Variants in DACH2 observed in about 807,000 individuals in gnomAD.
DACH2 encodes dachshund family transcription factor 2.
DACH2 carries 17 observed loss-of-function variants against 35.8 expected under a neutral mutation model. The ratio of observed to expected loss-of-function variants is 0.48; its 90% CI spans 0.33 to 0.71. The LOEUF is 0.71. Ranked by LOEUF, DACH2 falls within the 30% of genes least tolerant of loss-of-function variation. DACH2 has a pLI of 0.02. For synonymous variants in DACH2, 195 were observed against 177.3 expected (o/e 1.10, Z -0.79); for missense variants, 469 against 472.7 (o/e 0.99, Z 0.07).
intron 2 of DACH2, among the ~76,000 whole-genome samples, chrX:86,498,756 C>T (rs1401958653): frequency 8.9e-6 from 1 of 111,935 alleles, no homozygotes; most frequent in Non-Finnish European, 1.9e-5. Flanking sequence ...ATGACCTAAA[C>T]CATTTTACTC....
At chrX:86,710,176 T>C (rs749764535) in intron 5 of DACH2, among the ~76,000 whole-genome samples, 145 of 112,515 alleles carry the variant, frequency 1.3e-3, no homozygotes, top group African/African-American at 4.6e-3. Flanking sequence ...TGGAAACATA[T>C]TTAGCAATAA....
At chrX:86,731,594 A>G (rs776374051) in intron 6 of DACH2, among the ~76,000 whole-genome samples, 4 of 112,311 alleles carry the variant, frequency 3.6e-5, no homozygotes, top group African/African-American at 1.3e-4. Context: ...AATTTATACC[A>G]CTTTAACAGA....
At chrX:86,603,682 T>C (rs757936298) in intron 3 of DACH2, among the ~76,000 whole-genome samples, 2 of 111,611 alleles carry the variant, frequency 1.8e-5, no homozygotes, top group African/African-American at 3.2e-5. Flanking sequence ...TTCATTTTCA[T>C]TGAATTCTCT....
intron 1 of DACH2, among the ~76,000 whole-genome samples, chrX:86,296,380 C>CAAAAA (rs61713614): frequency 9.2e-4 from 63 of 68,431 alleles, no homozygotes; most frequent in Middle Eastern, 0.018. Flanking sequence ...GACTCCATCT[C>CAAAAA]AAAAAAAAAA....
chrX:86,592,623 T>A (rs998100577), intron 3 of DACH2, among the ~76,000 whole-genome samples: 4 of 112,392 alleles, frequency 3.6e-5, no homozygotes, highest in Admixed American at 9.5e-5. Context: ...AGAACTGATA[T>A]CTTAATTATA....
chrX:86,698,001 C>T (rs1047048570), intron 5 of DACH2, among the ~76,000 whole-genome samples: 2 of 111,315 alleles, frequency 1.8e-5, no homozygotes, highest in Non-Finnish European at 3.8e-5. Context: ...AGGATAAATA[C>T]CAAAATCTAC....
Position 86,669,996 on chromosome X carries a change from G to C in DACH2, c.772+18829G>C, listed in dbSNP as rs184801270. ...GACAGCTATTACAATCAATTTATTT[G>C]TTCTTTGTACATGCAATCTGTTAGT... On this transcript the variant is annotated intron_variant, in intron 4 of 11. Transcript: ENST00000373125. Among the ~76,000 whole-genome samples the C allele has an allele frequency of 2.8e-3, 312 of 110,044 alleles. 2 individuals carry two copies. Among genetic ancestry groups the C allele is most frequent in the African/African-American group, 9.8e-3 (298 of 30,324 alleles).
chrX:86,251,336 C>T (rs2033395693), intron 1 of DACH2, among the ~76,000 whole-genome samples: 1 of 110,679 alleles, frequency 9.0e-6, no homozygotes, highest in Admixed American at 9.6e-5. Flanking sequence ...CATTGACAAT[C>T]GTTTTAAATT....
chrX:86,330,211 G>T (rs1009577938), intron 1 of DACH2, among the ~76,000 whole-genome samples: 11 of 111,402 alleles, frequency 9.9e-5, no homozygotes, highest in Non-Finnish European at 1.9e-4. Context: ...ACCTATTTTA[G>T]ATCATCAAAA....
At chrX:86,795,793 G>C (rs2042230734) in intron 7 of DACH2, among the ~76,000 whole-genome samples, 1 of 109,819 alleles carries the variant, frequency 9.1e-6, no homozygotes, top group South Asian at 4.3e-4. Flanking sequence ...ACTGACTTCA[G>C]GAGTGAAGCT....
intron 1 of DACH2, among the ~76,000 whole-genome samples, chrX:86,229,375 T>G (rs374126491): frequency 1.8e-5 from 2 of 112,342 alleles, no homozygotes; most frequent in Non-Finnish European, 3.8e-5. Flanking sequence ...TATGGCCTTA[T>G]AGTATAGTTT....
chrX:86,385,488 A>T (rs1166143893), intron 2 of DACH2, among the ~76,000 whole-genome samples: 1 of 111,783 alleles, frequency 8.9e-6, no homozygotes, highest in African/African-American at 3.2e-5. Flanking sequence ...AAGATTCAGT[A>T]TACAACAATT....
chrX:86,600,805 G>A (rs372001661), intron 3 of DACH2, among the ~76,000 whole-genome samples: 3 of 111,094 alleles, frequency 2.7e-5, no homozygotes, highest in African/African-American at 6.6e-5. Context: ...TCTTTTGGCC[G>A]GATGCTTGAG....
At chrX:86,312,454 C>A (rs929875023) in intron 1 of DACH2, among the ~76,000 whole-genome samples, 1 of 110,879 alleles carries the variant, frequency 9.0e-6, no homozygotes, top group African/African-American at 3.3e-5. Flanking sequence ...CAAGGGTGGA[C>A]TTATGATGGT....
chrX:86,786,421 G>T (rs909274361), intron 7 of DACH2, among the ~76,000 whole-genome samples: 5 of 111,633 alleles, frequency 4.5e-5, no homozygotes, highest in Admixed American at 2.9e-4. Context: ...CAAGCCACGA[G>T]CCATATGCCT....
chrX:86,171,928 T>C (rs1488221870), intron 1 of DACH2, among the ~76,000 whole-genome samples: 5 of 111,802 alleles, frequency 4.5e-5, no homozygotes, highest in Non-Finnish European at 9.4e-5. Context: ...GAGGTTTTTT[T>C]AAAAGGATTA....
intron 1 of DACH2, among the ~76,000 whole-genome samples, chrX:86,206,288 A>G (rs2032310369): frequency 9.0e-6 from 1 of 110,991 alleles, no homozygotes; most frequent in Non-Finnish European, 1.9e-5. Flanking sequence ...GGGGAAAAAA[A>G]AAAAGAAACT....
chrX:86,560,230 G>C lies in DACH2; in HGVS notation c.640+45839G>C, dbSNP rs1365010496. ...AGTTTGGCTGGATATGAAATTCTGG[G>C]TTGAAAATTCTTTTCTTTAAGAATG... On this transcript the variant is annotated intron_variant, in intron 3 of 11. Transcript: ENST00000373125. 3.5e-3 allele frequency among the ~76,000 whole-genome samples: 204 copies of C among 58,283 alleles called. 1 individual carries two copies. Among genetic ancestry groups the C allele is most frequent in the African/African-American group, 6.2e-3 (66 of 10,722 alleles). 50.6% of individuals were successfully genotyped at this position (58,283 alleles called of 115,157 possible).
intron 2 of DACH2, among the ~76,000 whole-genome samples, chrX:86,459,165 A>G (rs1159909452): frequency 1.8e-5 from 2 of 111,735 alleles, no homozygotes; most frequent in Non-Finnish European, 3.8e-5. Context: ...CAGACATGAA[A>G]AAATAGCATT....
Sources: allele counts gnomAD v4.1 joint callset (sites outside exome capture counted in the v4.1 genomes callset), GRCh38; gene constraint gnomAD v4.1.1; transcripts MANE v1.5; gene names NCBI Gene and HGNC (gene_info 2026-07-23, HGNC 2026-07-21).